USP35: variants seen among roughly 807,000 people sequenced by gnomAD.
USP35 encodes ubiquitin carboxyl-terminal hydrolase 35.
USP35 carries 69 observed loss-of-function variants against 83.8 expected under a neutral mutation model. The ratio of observed to expected loss-of-function variants is 0.82; its 90% CI spans 0.68 to 1.01. USP35 has a LOEUF of 1.01. USP35 is among the 50% of genes least tolerant of loss of function. USP35 has a pLI of 0.00. For synonymous variants in USP35, 714 were observed against 589.5 expected (o/e 1.21, Z -3.06); for missense variants, 1,503 against 1,362.5 (o/e 1.10, Z -1.62).
rs752130224 is a variant in USP35 at position 78,199,729 on chromosome 11, G to T, written c.936+5G>T. 1 of 1,614,158 alleles carries T rather than the reference G, an allele frequency of 6.2e-7. No homozygotes were observed. The highest frequency in any genetic ancestry group is 1.1e-5 in the South Asian group (1 of 91,084). ...TCGCTCACCAAAATTGAGAAGGTTG[G>T]TGCCCCTGTCCTAGCCCAGAGTTAC... On this transcript the variant is annotated splice_donor_5th_base_variant and intron_variant, in intron 4 of 10. Transcript: ENST00000529308.
intron 2 of USP35, among the ~76,000 whole-genome samples, 184 bp from the exon 3 acceptor site, chr11:78,197,752 G>C (rs1482959697): frequency 4.6e-5 from 7 of 152,256 alleles, no homozygotes; most frequent in Non-Finnish European, 4.4e-5. Context: ...GGCTGTGCTA[G>C]TGAAGGTTTG....
chr11:78,195,709 C>T (rs1490602567), intron 1 of USP35, among the ~76,000 whole-genome samples: 3 of 152,126 alleles, frequency 2.0e-5, no homozygotes, highest in South Asian at 2.1e-4. Flanking sequence ...CGATTAAAGG[C>T]GCTTAGCAAC....
chr11:78,233,040 G>GTTTTTTTTTTTTTTTTTTTT, the USP35 span, among the ~76,000 whole-genome samples: 5 of 132,006 alleles, frequency 3.8e-5, no homozygotes, highest in African/African-American at 1.2e-4. Flanking sequence ...GCACTGTTAA[G>GTTTTTTTTTTTTTTTTTTTT]TTTTTTTTTT....
the USP35 span, among the ~76,000 whole-genome samples, chr11:78,231,335 T>TGGTG: frequency 1.1e-5 from 1 of 89,668 alleles, no homozygotes; most frequent in Non-Finnish European, 2.5e-5. Flanking sequence ...CGCGCGTGTG[T>TGGTG]GGTGTGTGTG....
In USP35 at chr11:78,213,745, G is replaced by C. The variant is rs1449294815; in HGVS notation, c.2989G>C (p.Glu997Gln). 8 of 1,542,902 alleles carry C rather than the reference G, an allele frequency of 5.2e-6. No individual in the cohort carries two copies. Among genetic ancestry groups the C allele is most frequent in the Non-Finnish European group, 6.9e-6 (8 of 1,154,038 alleles). Residue 997 changes from glutamate to glutamine, a missense_variant, in exon 11 of 11, where the codon GAA (glutamate) becomes CAA (glutamine). By Grantham distance (29) the Glu-to-Gln change is conservative. Transcript: ENST00000529308. ...CTTTGATGAAGACAAGGATGAGGAT[G>C]AAGGCTCTCCAGGGGGCTGCAATCC... Reference protein sequence around the residue: ...RGFDEDKDEDEGSPGGCNPAG... With the variant: ...RGFDEDKDEDQGSPGGCNPAG...
intron 1 of USP35, among the ~76,000 whole-genome samples, chr11:78,190,493 T>C (rs1862971977): frequency 6.6e-6 from 1 of 152,222 alleles, no homozygotes; most frequent in African/African-American, 2.4e-5. Context: ...TCTCTCATCT[T>C]GCTGTCACAT....
chr11:78,223,478 C>T, the USP35 span: 5 of 1,601,830 alleles, frequency 3.1e-6, no homozygotes, highest in Non-Finnish European at 4.3e-6. Flanking sequence ...CTGCTGGGGC[C>T]TCGGTGCACA....
chr11:78,191,111 G>T (rs1386728059), intron 1 of USP35, among the ~76,000 whole-genome samples: 2 of 152,208 alleles, frequency 1.3e-5, no homozygotes, highest in Non-Finnish European at 2.9e-5. Flanking sequence ...TGAAGCTTGA[G>T]CGGGGGCCCA....
intron 9 of USP35, 66 bp downstream of exon 9, chr11:78,209,029 T>C: frequency 6.7e-7 from 1 of 1,502,106 alleles, no homozygotes; most frequent in Middle Eastern, 1.8e-4. Flanking sequence ...GCCCAGTACC[T>C]CTGAGCTGTG....
rs776824844 is a variant in USP35, at chr11:78,210,375, C to T, written c.2520C>T (p.Gly840=). 1 of 1,613,452 alleles carries T rather than the reference C, an allele frequency of 6.2e-7. No individual in the cohort carries two copies. Among genetic ancestry groups the T allele is most frequent in the African/African-American group, 1.3e-5 (1 of 75,062 alleles). ...TGCTCCGCCTGCCACTGGCTGGTGG[C>T]CGTGGCCAGGCCTATGACCTCTGCA... ...PLLLRLPLAG[G]RGQAYDLCSV... Residue 840 remains glycine (G), a synonymous_variant, in exon 10 of 11, where the codon GGC becomes GGT. Transcript: ENST00000529308.
At chr11:78,234,389 T>C in the USP35 span, among the ~76,000 whole-genome samples, 3 of 152,088 alleles carry the variant, frequency 2.0e-5, no homozygotes, top group African/African-American at 7.2e-5. Context: ...AGCCTAGAAG[T>C]TTCGTAGTAT....
chr11:78,223,230 C>T, the USP35 span, among the ~76,000 whole-genome samples: 1 of 152,098 alleles, frequency 6.6e-6, no homozygotes, highest in Admixed American at 6.5e-5. Context: ...CTCTCCTTTG[C>T]AGCAAACCTG....
In USP35 at chr11:78,196,896, G is replaced by C. The variant is rs1863167773; in HGVS notation, c.651G>C (p.Leu217=). 6.8e-7 allele frequency: 1 copy of C among 1,471,508 alleles called. No homozygotes were observed. The highest frequency in any genetic ancestry group is 9.0e-7 in the Non-Finnish European group (1 of 1,114,792). 91.2% of individuals were successfully genotyped at this position (1,471,508 alleles called of 1,614,324 possible). ...CCATCCTGCCCTGCCTCAAAGAGCTGTTCGCAGTCATCTCCTGCGCAGGTG... is the reference window on the plus strand; with the variant it reads ...CCATCCTGCCCTGCCTCAAAGAGCTCTTCGCAGTCATCTCCTGCGCAGGTG... The part of the protein sequence containing the change: ...PAAILPCLKE[L]FAVISCAEEE... Residue 217 remains leucine, a synonymous_variant, in exon 2 of 11, where the codon CTG becomes CTC. Transcript: ENST00000529308. The surrounding 1 kb of genome is among the most constrained non-coding windows in gnomAD (Gnocchi z 4.8).
In USP35 at chr11:78,196,197, C is replaced by T. The variant is rs1590896342; in HGVS notation, c.-10-39C>T. ...CTGCACCGGGAACTCTTGAGCCCCG[C>T]GGTTGTCGGGCTGTGACCTCATTCC... On this transcript the variant is annotated intron_variant, in intron 1 of 10. Coordinates refer to ENST00000529308, the MANE Select transcript of USP35 (RefSeq NM_020798.4). The surrounding 1 kb of genome is among the most constrained non-coding windows in gnomAD (Gnocchi z 4.8). 5.8e-6 allele frequency: 9 copies of T among 1,540,622 alleles called. No individual in the cohort carries two copies. The highest frequency in any genetic ancestry group is 3.9e-5 in the Admixed American group (2 of 50,902).
the USP35 span, among the ~76,000 whole-genome samples, chr11:78,227,294 G>T: frequency 6.6e-6 from 1 of 152,190 alleles, no homozygotes; most frequent in African/African-American, 2.4e-5. Flanking sequence ...CCCTGAACAA[G>T]TATCAATAAG....
chr11:78,219,420 G>A (rs1475345867), downstream of USP35: 1 of 1,613,792 alleles, frequency 6.2e-7, no homozygotes. Context: ...AGATGGCTGA[G>A]GGGACAGAGT....
In USP35 at chr11:78,214,165, A is replaced by ACATCAAGTACTATT. The variant is rs1863953217; in HGVS notation, c.*353_*366dup. ...GCTAGACCTCAGCTCCAATGTTTTG[A>ACATCAAGTACTATT]CATCAAGTACTATTTTCCTTCCGAC... On this transcript the variant is annotated 3_prime_UTR_variant, in exon 11 of 11. Transcript: ENST00000529308. 5.0e-6 allele frequency: 1 copy of ACATCAAGTACTATT among 198,506 alleles called. No individual in the cohort carries two copies. The highest frequency in any genetic ancestry group is 1.0e-5 in the Non-Finnish European group (1 of 99,960). The allele number at this position is 198,506 out of a possible 1,614,324, so 12.3% of individuals were successfully genotyped here.
At position 78,190,183 on chromosome 11, in the gene USP35, C is replaced by G. The variant is rs1260378560; in HGVS notation, c.-11+1026C>G. Among the ~76,000 whole-genome samples the G allele has an allele frequency of 2.6e-5, 4 of 152,308 alleles. No individual in the cohort carries two copies. In the East Asian group the frequency reaches 5.8e-4, roughly 22 times the overall value. Reference sequence around the variant, plus strand: ...GAGTAACACCATGAAGCCTTCTTCTCAGGTCCTAGGAGATTCTGTGAGCTT... The same window carrying G: ...GAGTAACACCATGAAGCCTTCTTCTGAGGTCCTAGGAGATTCTGTGAGCTT... On this transcript the variant is annotated intron_variant, in intron 1 of 10. Coordinates refer to ENST00000529308, the MANE Select transcript of USP35 (RefSeq NM_020798.4).
In USP35 at chr11:78,189,093, G is replaced by C. The variant is rs1862919195; in HGVS notation, c.-75G>C. 1 of 453,704 alleles carries C rather than the reference G, an allele frequency of 2.2e-6. No homozygotes were observed. Among genetic ancestry groups the C allele is most frequent in the South Asian group, 9.2e-5 (1 of 10,854 alleles). 28.1% of individuals were successfully genotyped at this position (453,704 alleles called of 1,614,324 possible). ...ACCAGCCCTGACCTAGCCGGGCCCAGCCTCGTCCTGCCCGGCCTGAGCGCC... is the reference window on the plus strand; with the variant it reads ...ACCAGCCCTGACCTAGCCGGGCCCACCCTCGTCCTGCCCGGCCTGAGCGCC... On this transcript the variant is annotated 5_prime_UTR_variant, in exon 1 of 11. Coordinates refer to ENST00000529308, the MANE Select transcript of USP35 (RefSeq NM_020798.4).
Sources: gnomAD v4.1 joint callset for allele counts (sites outside exome capture counted in the v4.1 genomes callset) on GRCh38, gnomAD v4.1.1 for gene constraint, Gnocchi (gnomAD v3.1) non-coding constraint, MANE v1.5 for transcripts, NCBI Gene and HGNC (gene_info 2026-07-23, HGNC 2026-07-21) for gene names.